Variants in EXOC6B observed in about 807,000 individuals in gnomAD.
EXOC6B encodes the protein SEC15 homolog B.
A neutral mutation model predicts 113.5 loss-of-function variants in EXOC6B; 54 were observed. The observed-to-expected ratio is 0.48, with a 90% CI of 0.38 to 0.60. The LOEUF is 0.60. Ranked by LOEUF, EXOC6B falls within the 20% of genes least tolerant of loss-of-function variation. The pLI is 0.00. For synonymous variants in EXOC6B, 357 were observed against 339.0 expected, an observed-to-expected ratio of 1.05 and a Z score of -0.58; for missense variants, 797 against 977.5, an observed-to-expected ratio of 0.82 and a Z score of 2.46.
At chr2:72,549,619 G>A (rs1296633264) in intron 8 of EXOC6B, among the ~76,000 whole-genome samples, 1 of 152,144 alleles carries the variant, frequency 6.6e-6, no homozygotes, top group African/African-American at 2.4e-5. Flanking sequence ...AGTTTATGCT[G>A]CCTGTGAATA....
At chr2:72,442,012 T>G (rs11695000) in intron 18 of EXOC6B, among the ~76,000 whole-genome samples, 33,061 of 152,108 alleles carry the variant, frequency 0.22, 5,703 homozygotes, top group African/African-American at 0.48. Context: ...AACAAAATAC[T>G]GCAAATCAAA....
intron 20 of EXOC6B, among the ~76,000 whole-genome samples, chr2:72,293,740 T>C (rs1685953078): frequency 6.6e-6 from 1 of 152,176 alleles, no homozygotes; most frequent in Non-Finnish European, 1.5e-5. Flanking sequence ...TACTTGGATA[T>C]AAGAGCATTA....
At chr2:72,310,257 C>G (rs538939847) in intron 20 of EXOC6B, among the ~76,000 whole-genome samples, 1 of 152,068 alleles carries the variant, frequency 6.6e-6, no homozygotes, top group African/African-American at 2.4e-5. Flanking sequence ...CCACCAACAA[C>G]GAATGAGGCA....
intron 1 of EXOC6B, among the ~76,000 whole-genome samples, chr2:72,742,171 T>C (rs970451421): frequency 2.6e-5 from 4 of 152,204 alleles, no homozygotes; most frequent in African/African-American, 9.6e-5. Flanking sequence ...ATAAAATAAG[T>C]GTTCCAAGCT....
At chr2:72,645,676 T>G (rs934633704) in intron 6 of EXOC6B, among the ~76,000 whole-genome samples, 4 of 152,188 alleles carry the variant, frequency 2.6e-5, no homozygotes, top group African/African-American at 9.7e-5. Flanking sequence ...CTGAACAACC[T>G]GCTCCTGAAT....
At chr2:72,816,661 T>G (rs1686266121) in intron 1 of EXOC6B, among the ~76,000 whole-genome samples, 2 of 152,196 alleles carry the variant, frequency 1.3e-5, no homozygotes, top group African/African-American at 4.8e-5. Flanking sequence ...AAAATTACAG[T>G]AGATAAGATT....
At chr2:72,453,233 C>T (rs759169955) in intron 18 of EXOC6B, among the ~76,000 whole-genome samples, 8 of 151,978 alleles carry the variant, frequency 5.3e-5, no homozygotes, top group African/African-American at 1.7e-4. Flanking sequence ...GGGGCTACTT[C>T]GCAAACAAAG....
chr2:72,612,232 A>G (rs1433719475), intron 6 of EXOC6B, among the ~76,000 whole-genome samples: 1 of 151,930 alleles, frequency 6.6e-6, no homozygotes, highest in Non-Finnish European at 1.5e-5. Context: ...CTGAGATCAC[A>G]CCACTGCACT....
chr2:72,357,769 A>T (rs1044839057), intron 19 of EXOC6B, among the ~76,000 whole-genome samples: 10 of 152,146 alleles, frequency 6.6e-5, no homozygotes, highest in Non-Finnish European at 1.3e-4. Flanking sequence ...TCATAGTGCA[A>T]CACATTACCG....
chr2:72,242,089 C>T (rs1299012181), intron 20 of EXOC6B, among the ~76,000 whole-genome samples: 2 of 152,038 alleles, frequency 1.3e-5, no homozygotes, highest in Non-Finnish European at 2.9e-5. Context: ...CAGCTGTAGT[C>T]CCAGCTACTG....
intron 1 of EXOC6B, among the ~76,000 whole-genome samples, chr2:72,800,985 C>T (rs947253974): frequency 4.1e-4 from 63 of 152,260 alleles, no homozygotes; most frequent in African/African-American, 1.5e-3. Flanking sequence ...TTTTTCAAAG[C>T]TTGCTAAAGA....
intron 18 of EXOC6B, among the ~76,000 whole-genome samples, chr2:72,424,418 T>C (rs1358216369): frequency 6.6e-6 from 1 of 152,156 alleles, no homozygotes; most frequent in African/African-American, 2.4e-5. Context: ...TAATTTTTTC[T>C]GTATTTTAAG....
At chr2:72,474,927 G>A (rs2105463426) in intron 17 of EXOC6B, among the ~76,000 whole-genome samples, 1 of 152,134 alleles carries the variant, frequency 6.6e-6, no homozygotes, top group East Asian at 1.9e-4. Context: ...TTTTCCAGAA[G>A]ATGTATCTAT....
intron 20 of EXOC6B, among the ~76,000 whole-genome samples, chr2:72,219,265 A>G (rs1481797107): frequency 6.6e-6 from 1 of 151,936 alleles, no homozygotes; most frequent in Non-Finnish European, 1.5e-5. Flanking sequence ...CAGTGGCAAG[A>G]GGGAGCAAGG....
intron 20 of EXOC6B, among the ~76,000 whole-genome samples, chr2:72,208,828 T>C (rs548845987): frequency 5.3e-5 from 8 of 152,316 alleles, no homozygotes; most frequent in Admixed American, 4.6e-4. Flanking sequence ...GATTTTAACC[T>C]TACAATACAG....
chr2:72,633,630 C>T (rs1377676642), intron 6 of EXOC6B, among the ~76,000 whole-genome samples: 2 of 152,234 alleles, frequency 1.3e-5, no homozygotes, highest in South Asian at 4.1e-4. Context: ...ATAGGTTTAT[C>T]TAAACATTAA....
intron 6 of EXOC6B, among the ~76,000 whole-genome samples, chr2:72,581,305 G>T (rs1705207111): frequency 2.0e-5 from 3 of 152,050 alleles, no homozygotes; most frequent in African/African-American, 7.2e-5. Flanking sequence ...TCCAGTATCA[G>T]ATTCGAACAA....
At chr2:72,638,687 C>G (rs1673014375) in intron 6 of EXOC6B, among the ~76,000 whole-genome samples, 1 of 152,176 alleles carries the variant, frequency 6.6e-6, no homozygotes, top group Non-Finnish European at 1.5e-5. Context: ...CACAGACACT[C>G]GAGTTGGCAG....
At chr2:72,413,824 C>T (rs1434804207) in intron 18 of EXOC6B, among the ~76,000 whole-genome samples, 2 of 152,192 alleles carry the variant, frequency 1.3e-5, no homozygotes, top group Non-Finnish European at 2.9e-5. Context: ...TGTATCACCA[C>T]ACCTGGTGAG....
Sources: gnomAD v4.1 joint callset for allele counts (sites outside exome capture counted in the v4.1 genomes callset) on GRCh38, gnomAD v4.1.1 for gene constraint, MANE v1.5 for transcripts, NCBI Gene and HGNC (gene_info 2026-07-23, HGNC 2026-07-21) for gene names.